The following SPAG16 variants were observed in gnomAD, a reference collection of about 807,000 sequenced individuals.
The protein encoded by SPAG16 is sperm associated antigen 16.
In SPAG16, 86 loss-of-function variants were observed where a neutral mutation model predicts 80.4. The ratio of observed to expected loss-of-function variants is 1.07; its 90% CI spans 0.90 to 1.28. The LOEUF is 1.28. Among genes scored for constraint, SPAG16 ranks in the 50% most tolerant of loss-of-function variants. The pLI is 0.00. For synonymous variants in SPAG16, 294 were observed against 265.9 expected (o/e 1.11, Z -1.03); for missense variants, 870 against 765.3 (o/e 1.14, Z -1.61).
At chr2:214,350,611 C>T (rs1436481726) in intron 15 of SPAG16, among the ~76,000 whole-genome samples, 2 of 152,112 alleles carry the variant, frequency 1.3e-5, no homozygotes, top group African/African-American at 4.8e-5. Flanking sequence ...GGAGTGAGCT[C>T]CTCTCCCATA....
chr2:213,450,265 C>T (rs1166281558), intron 9 of SPAG16, among the ~76,000 whole-genome samples: 1 of 152,188 alleles, frequency 6.6e-6, no homozygotes, highest in South Asian at 2.1e-4. Flanking sequence ...GATTGTGCCA[C>T]TGCACTCCAG....
chr2:214,098,172 C>A (rs1042164444), intron 13 of SPAG16, among the ~76,000 whole-genome samples: 2 of 152,006 alleles, frequency 1.3e-5, no homozygotes, highest in African/African-American at 4.8e-5. Context: ...AATATAGGTA[C>A]AATACAATAA....
At chr2:214,239,204 T>C (rs945809528) in intron 15 of SPAG16, 2 of 152,122 alleles carry the variant, frequency 1.3e-5, no homozygotes, top group African/African-American at 4.8e-5. Context: ...CTAAATTTTT[T>C]TTTGAATGTT....
chr2:213,760,209 A>G (rs2068579797), intron 10 of SPAG16, among the ~76,000 whole-genome samples: 3 of 152,182 alleles, frequency 2.0e-5, no homozygotes, highest in Admixed American at 2.0e-4. Flanking sequence ...AAAGATGCAA[A>G]TAGATTGAAG....
chr2:213,866,816 A>G (rs923427717), intron 11 of SPAG16, among the ~76,000 whole-genome samples: 1 of 152,208 alleles, frequency 6.6e-6, no homozygotes, highest in African/African-American at 2.4e-5. Flanking sequence ...CTCTCTTTAA[A>G]TGTTGACTAC....
chr2:213,308,230 C>G (rs2063033883), intron 3 of SPAG16, among the ~76,000 whole-genome samples: 1 of 151,922 alleles, frequency 6.6e-6, no homozygotes, highest in Non-Finnish European at 1.5e-5. Context: ...AAAAAACTAC[C>G]AATTATTTTA....
At chr2:213,809,440 T>C (rs1402820066) in intron 10 of SPAG16, among the ~76,000 whole-genome samples, 1 of 152,168 alleles carries the variant, frequency 6.6e-6, no homozygotes. Context: ...TCTAAGGTCA[T>C]TTTTAGATAT....
intron 15 of SPAG16, among the ~76,000 whole-genome samples, chr2:214,213,632 G>A (rs2058352648): frequency 6.6e-6 from 1 of 152,182 alleles, no homozygotes; most frequent in Non-Finnish European, 1.5e-5. Flanking sequence ...GCTACCCAGT[G>A]TGGCAACCAA....
chr2:213,808,762 A>G (rs565938881), intron 10 of SPAG16, among the ~76,000 whole-genome samples: 3 of 152,280 alleles, frequency 2.0e-5, no homozygotes, highest in Admixed American at 6.5e-5. Context: ...GGAGAATTAG[A>G]TAAGGAGAGT....
intron 9 of SPAG16, among the ~76,000 whole-genome samples, chr2:213,484,088 G>A (rs553511367): frequency 6.7e-6 from 1 of 148,168 alleles, no homozygotes; most frequent in Non-Finnish European, 1.5e-5. Flanking sequence ...TCATTTTATG[G>A]CTTCAGCCTT....
intron 15 of SPAG16, among the ~76,000 whole-genome samples, chr2:214,278,291 C>T (rs1692631333): frequency 6.6e-6 from 1 of 152,194 alleles, no homozygotes; most frequent in South Asian, 2.1e-4. Context: ...TGATGCCCCA[C>T]CCTGCTTTGG....
chr2:214,365,344 T>G (rs927467210), intron 15 of SPAG16, among the ~76,000 whole-genome samples: 4 of 152,216 alleles, frequency 2.6e-5, no homozygotes, highest in African/African-American at 9.6e-5. Flanking sequence ...GTTGGTCAGA[T>G]ATTCAAGACC....
At chr2:214,328,204 G>A (rs1400151844) in intron 15 of SPAG16, among the ~76,000 whole-genome samples, 1 of 150,878 alleles carries the variant, frequency 6.6e-6, no homozygotes, top group Non-Finnish European at 1.5e-5. Context: ...CGCCTAGGCT[G>A]GAATGCAGTG....
In SPAG16 at chr2:213,396,645, A is replaced by C. The variant is rs935417509; in HGVS notation, c.942+21526A>C. The C allele has an allele frequency of 3.7e-5, 17 of 456,392 alleles. 1 individual carries two copies. In the East Asian group the frequency reaches 1.2e-3, roughly 32 times the overall value. 28.3% of individuals were successfully genotyped at this position (456,392 alleles called of 1,614,324 possible). A position where few individuals can be genotyped will look rare whatever the true frequency, so the allele number is the denominator to read the frequency against. ...TAAGACCGTACCTCTGCAGGACACT[A>C]TTGGCAGGAGACAAGAGAACAACAG... On this transcript the variant is annotated intron_variant, in intron 9 of 15. Coordinates refer to ENST00000331683, the MANE Select transcript of SPAG16 (RefSeq NM_024532.5).
intron 10 of SPAG16, among the ~76,000 whole-genome samples, chr2:213,797,367 C>A (rs2071109445): frequency 6.6e-6 from 1 of 152,184 alleles, no homozygotes; most frequent in South Asian, 2.1e-4. Flanking sequence ...GGGCAACTTA[C>A]AATCCTGTAG....
chr2:213,686,828 C>T lies in SPAG16; in HGVS notation c.1071-175657C>T, dbSNP rs145155713. 8.4e-4 allele frequency among the ~76,000 whole-genome samples: 128 copies of T among 151,606 alleles called. 1 individual carries two copies. The highest frequency in any genetic ancestry group is 2.6e-3 in the African/African-American group (109 of 41,372). ...CCTCCCAACTAGCTGGGACAACAGG[C>T]GCGTGCCACCACACCTGGCTAAGTT... On this transcript the variant is annotated intron_variant, in intron 10 of 15. Transcript: ENST00000331683.
At chr2:213,800,238 T>C (rs914599969) in intron 10 of SPAG16, among the ~76,000 whole-genome samples, 2 of 152,162 alleles carry the variant, frequency 1.3e-5, no homozygotes, top group African/African-American at 4.8e-5. Flanking sequence ...TTAAATGTTG[T>C]TAAATCATGC....
At chr2:213,813,297 C>T (rs1278323514) in intron 10 of SPAG16, among the ~76,000 whole-genome samples, 1 of 152,158 alleles carries the variant, frequency 6.6e-6, no homozygotes, top group Admixed American at 6.5e-5. Flanking sequence ...AAAGAATAAA[C>T]ATTTTAATGA....
chr2:213,929,907 TA>T lies in SPAG16; in HGVS notation c.1215-48del. On this transcript the variant is annotated intron_variant, in intron 11 of 15. Coordinates refer to ENST00000331683, the MANE Select transcript of SPAG16 (RefSeq NM_024532.5). ...AATTACTCATAGAATGCAGTATTCA[TA>T]AAAATTATGTTACTTTTTAAACAAG... 8 of 1,531,918 alleles carry T rather than the reference TA, an allele frequency of 5.2e-6. No individual in the cohort carries two copies. In the South Asian group the frequency reaches 9.5e-5, roughly 18 times the overall value. The allele number at this position is 1,531,918 out of a possible 1,614,324, so 94.9% of individuals were successfully genotyped here.
Sources: gnomAD v4.1 joint callset for allele counts (sites outside exome capture counted in the v4.1 genomes callset) on GRCh38, gnomAD v4.1.1 for gene constraint, MANE v1.5 for transcripts, NCBI Gene and HGNC (gene_info 2026-07-23, HGNC 2026-07-21) for gene names.